The following GRB10 variants were observed in gnomAD, a reference collection of about 807,000 sequenced individuals.
The protein encoded by GRB10 is growth factor receptor bound protein 10.
In GRB10, 20 loss-of-function variants were observed where a neutral mutation model predicts 80.9. The observed-to-expected ratio is 0.25, with a 90% CI of 0.17 to 0.36. The LOEUF (loss-of-function observed/expected upper bound fraction) is 0.36. Ranked by LOEUF, GRB10 falls within the 10% of genes least tolerant of loss-of-function variation. The probability of loss-of-function intolerance (pLI) is 1.00; values close to 1 mark genes in which losing one functional copy is unlikely to be tolerated. For synonymous variants in GRB10, 291 were observed against 291.5 expected (o/e 1.00, Z 0.02); for missense variants, 548 against 747.7 (o/e 0.73, Z 3.12).
At chr7:50,746,251 C>A (rs1467497911) in intron 3 of GRB10, among the ~76,000 whole-genome samples, 3 of 152,168 alleles carry the variant, frequency 2.0e-5, no homozygotes, top group Non-Finnish European at 4.4e-5. Flanking sequence ...TTCTACTGAA[C>A]ACTTGTCGAT....
chr7:50,744,553 T>C (rs997190491), intron 3 of GRB10, among the ~76,000 whole-genome samples: 1 of 152,258 alleles, frequency 6.6e-6, no homozygotes, highest in African/African-American at 2.4e-5. Context: ...TTGTATGTCA[T>C]ATAGTTATTA....
At chr7:50,615,017 T>A in intron 11 of GRB10, 137 bp from the exon 12 acceptor site, 1 of 701,324 alleles carries the variant, frequency 1.4e-6, no homozygotes, top group South Asian at 1.5e-5. Flanking sequence ...ATATGATTAT[T>A]ACGCGAGGTG....
At position 50,592,515 on chromosome 7, in the gene GRB10, C is replaced by T. The variant is rs1011098296; in HGVS notation, c.*437G>A. On this transcript the variant is annotated 3_prime_UTR_variant, in exon 19 of 19. Transcript: ENST00000401949. ...GTTGAAACGCCACATCCCCCTCCTA[C>T]AATAGGCTGAATACAATATTGAAAA... The T allele has an allele frequency of 2.1e-5, 5 of 240,114 alleles. No individual in the cohort carries two copies. Among genetic ancestry groups the T allele is most frequent in the African/African-American group, 9.0e-5 (4 of 44,370 alleles). 14.9% of individuals were successfully genotyped at this position (240,114 alleles called of 1,614,324 possible).
In GRB10 at chr7:50,703,976, C is replaced by G. The variant is rs1348683989; in HGVS notation, c.52-68G>C. The G allele has an allele frequency of 3.1e-5, 31 of 1,006,032 alleles. No individual in the cohort carries two copies. In the East Asian group the frequency reaches 7.4e-4, roughly 24 times the overall value. 62.3% of individuals were successfully genotyped at this position (1,006,032 alleles called of 1,614,324 possible). Reference sequence around the variant, plus strand: ...GAAGCATCCCACTCTTTTCAACACCCAGCTTCCCCAGCATTTCCTTTCTTC... The same window carrying G: ...GAAGCATCCCACTCTTTTCAACACCGAGCTTCCCCAGCATTTCCTTTCTTC... On this transcript the variant is annotated intron_variant, in intron 4 of 18. Transcript: ENST00000401949.
intron 5 of GRB10, among the ~76,000 whole-genome samples, chr7:50,698,392 C>T (rs944879137): frequency 3.2e-4 from 48 of 152,264 alleles, no homozygotes; most frequent in Middle Eastern, 3.4e-3. Context: ...CTTTCTTAGC[C>T]TAAGAGAATA....
chr7:50,755,222 A>G (rs949993878), intron 3 of GRB10, among the ~76,000 whole-genome samples: 1 of 152,204 alleles, frequency 6.6e-6, no homozygotes, highest in Non-Finnish European at 1.5e-5. Context: ...CTCTGCCTGC[A>G]TCTGCAGCTA....
At chr7:50,761,225 C>T (rs957406842) in intron 2 of GRB10, among the ~76,000 whole-genome samples, 18 of 152,106 alleles carry the variant, frequency 1.2e-4, no homozygotes, top group Non-Finnish European at 2.2e-4. Context: ...CCCTGCCACA[C>T]GGTTTGTGAT....
intron 7 of GRB10, among the ~76,000 whole-genome samples, chr7:50,660,037 C>G (rs112361222): frequency 2.7e-4 from 41 of 152,260 alleles, no homozygotes; most frequent in African/African-American, 9.6e-4. Context: ...CCTCCCTGGG[C>G]CTCAGGTTCC....
At chr7:50,739,865 C>G (rs535352961) in intron 3 of GRB10, among the ~76,000 whole-genome samples, 1 of 152,272 alleles carries the variant, frequency 6.6e-6, no homozygotes, top group East Asian at 1.9e-4. Flanking sequence ...CCCCTCAGTC[C>G]TCATTTCTCT....
chr7:50,767,471 T>C (rs1299955564), intron 2 of GRB10, among the ~76,000 whole-genome samples: 1 of 152,150 alleles, frequency 6.6e-6, no homozygotes, highest in Non-Finnish European at 1.5e-5. Context: ...GACCATGCTC[T>C]CTGGCCACAC....
intron 2 of GRB10, among the ~76,000 whole-genome samples, chr7:50,772,148 A>C (rs2077041829): frequency 6.6e-6 from 1 of 152,182 alleles, no homozygotes; most frequent in South Asian, 2.1e-4. Flanking sequence ...AAAGGGAAAA[A>C]AGTTGTGAGA....
At chr7:50,728,446 A>G (rs1006815721) in intron 4 of GRB10, among the ~76,000 whole-genome samples, 11 of 152,168 alleles carry the variant, frequency 7.2e-5, no homozygotes, top group Admixed American at 1.3e-4. Flanking sequence ...TGATCAGCAG[A>G]TGAAGTCTCA....
intron 14 of GRB10, 111 bp from the exon 15 acceptor site, chr7:50,605,517 TTTCTA>T: frequency 1.3e-5 from 12 of 902,932 alleles, no homozygotes; most frequent in Non-Finnish European, 2.0e-5. Context: ...GAATGCCTGC[TTTCTA>T]CCTCTGAACT....
intron 7 of GRB10, among the ~76,000 whole-genome samples, chr7:50,660,329 T>A (rs759634818): frequency 3.3e-5 from 5 of 151,884 alleles, no homozygotes; most frequent in Non-Finnish European, 5.9e-5. Flanking sequence ...GCTGCATTCA[T>A]GCAGGAAGGG....
chr7:50,783,098 T>C (rs2078479923), upstream of GRB10, among the ~76,000 whole-genome samples: 1 of 152,220 alleles, frequency 6.6e-6, no homozygotes, highest in Admixed American at 6.5e-5. Flanking sequence ...AAGCCCTCCA[T>C]GTCTACCCGC....
chr7:50,693,636 C>A (rs1399513075), intron 5 of GRB10, among the ~76,000 whole-genome samples: 1 of 152,094 alleles, frequency 6.6e-6, no homozygotes, highest in Non-Finnish European at 1.5e-5. Context: ...CTCCAGCAAT[C>A]AAGGAAAATG....
intron 5 of GRB10, among the ~76,000 whole-genome samples, chr7:50,701,576 T>G (rs902381211): frequency 3.9e-5 from 6 of 152,094 alleles, no homozygotes; most frequent in African/African-American, 1.4e-4. Flanking sequence ...AGAGCAAAAC[T>G]TGGTCTCTTA....
intron 4 of GRB10, among the ~76,000 whole-genome samples, chr7:50,710,615 C>T (rs756192457): frequency 2.0e-5 from 3 of 152,108 alleles, no homozygotes; most frequent in Non-Finnish European, 2.9e-5. Flanking sequence ...GGAGTGCCAT[C>T]ATCAGTGCGG....
At chr7:50,611,221 C>A (rs2049472023) in intron 13 of GRB10, among the ~76,000 whole-genome samples, 1 of 152,196 alleles carries the variant, frequency 6.6e-6, no homozygotes, top group African/African-American at 2.4e-5. Context: ...TCCCTTCACA[C>A]AAATGTAGCC....
Sources: gnomAD v4.1 joint callset for allele counts (sites outside exome capture counted in the v4.1 genomes callset) on GRCh38, gnomAD v4.1.1 for gene constraint, MANE v1.5 for transcripts, NCBI Gene and HGNC (gene_info 2026-07-23, HGNC 2026-07-21) for gene names.